The following AVL9 variants were observed in gnomAD, a reference collection of about 807,000 sequenced individuals.
AVL9 encodes the protein AVL9 cell migration associated.
Under a neutral mutation model 79.2 loss-of-function variants are expected in AVL9, and 49 were observed. The observed-to-expected ratio is 0.62, with a 90% CI of 0.49 to 0.79. The LOEUF (loss-of-function observed/expected upper bound fraction) is 0.79. Ranked by LOEUF, AVL9 falls within the 30% of genes least tolerant of loss-of-function variation. The probability of loss-of-function intolerance (pLI) is 0.00; values close to 1 mark genes in which losing one functional copy is unlikely to be tolerated. For missense variants in AVL9, 682 were observed against 776.8 expected (o/e 0.88, Z 1.45); for synonymous variants, 299 against 280.6 (o/e 1.07, Z -0.65).
chr7:32,582,739 G>A (rs1209120996), intron 15 of AVL9, among the ~76,000 whole-genome samples: 3 of 152,080 alleles, frequency 2.0e-5, no homozygotes, highest in Non-Finnish European at 4.4e-5. Flanking sequence ...AAGCTGAAGT[G>A]CAATATGGTG....
intron 1 of AVL9, among the ~76,000 whole-genome samples, chr7:32,501,940 C>T (rs1211543039): frequency 6.6e-6 from 1 of 152,040 alleles, no homozygotes; most frequent in African/African-American, 2.4e-5. Context: ...TAAGACTGCT[C>T]CTTTTTTATA....
intron 1 of AVL9, among the ~76,000 whole-genome samples, chr7:32,541,779 A>G (rs995615022): frequency 1.6e-4 from 25 of 151,926 alleles, no homozygotes; most frequent in Admixed American, 1.4e-3. Context: ...CAGTGGCGCA[A>G]TCTCGGCTCA....
At chr7:32,537,986 G>A (rs1464915925) in intron 1 of AVL9, 3 of 152,120 alleles carry the variant, frequency 2.0e-5, no homozygotes, top group African/African-American at 7.2e-5. Context: ...AAATACTCTG[G>A]GCCCAAGTCA....
At chr7:32,553,363 C>T (rs1185802769) in intron 6 of AVL9, among the ~76,000 whole-genome samples, 2 of 152,180 alleles carry the variant, frequency 1.3e-5, no homozygotes, top group Non-Finnish European at 2.9e-5. Context: ...TAAACCTGCA[C>T]TGTCCAAAAC....
At chr7:32,536,544 T>C (rs1788917891) in intron 1 of AVL9, 1 of 152,192 alleles carries the variant, frequency 6.6e-6, no homozygotes, top group Admixed American at 6.5e-5. Flanking sequence ...ATTCTTTTTT[T>C]TTTCATGCTT....
chr7:32,538,687 G>GT (rs1789030879), intron 1 of AVL9: 1 of 152,094 alleles, frequency 6.6e-6, no homozygotes, highest in African/African-American at 2.4e-5. Context: ...TTTCAAGCAT[G>GT]TTTTTTAAAT....
chr7:32,518,884 C>T (rs1788017974), intron 1 of AVL9, among the ~76,000 whole-genome samples: 1 of 152,138 alleles, frequency 6.6e-6, no homozygotes, highest in Admixed American at 6.5e-5. Context: ...AACAAGATTT[C>T]ATTAGAAAAA....
chr7:32,588,448 G>C lies in AVL9; in HGVS notation c.*4541G>C, dbSNP rs926088929. ...ACAGTTTAAATATTTATGATTAAAG[G>C]CTTTTCACAAACCTTTTTAAAGAAA... On this transcript the variant is annotated 3_prime_UTR_variant, in exon 16 of 16. Transcript: ENST00000318709. 4 of 152,116 alleles carry C rather than the reference G, an allele frequency of 2.6e-5. No homozygotes were observed. Among genetic ancestry groups the C allele is most frequent in the African/African-American group, 7.2e-5 (3 of 41,410 alleles). The allele number at this position is 152,116 out of a possible 1,614,324, so 9.4% of individuals were successfully genotyped here. A position where few individuals can be genotyped will look rare whatever the true frequency, so the allele number is the denominator to read the frequency against.
intron 4 of AVL9, among the ~76,000 whole-genome samples, chr7:32,549,517 G>A (rs1171798873): frequency 3.9e-5 from 6 of 151,974 alleles, no homozygotes; most frequent in Middle Eastern, 3.4e-3. Context: ...GTGAGCCATC[G>A]TGCCCAGCCA....
intron 10 of AVL9, among the ~76,000 whole-genome samples, chr7:32,567,752 T>C (rs115905589): frequency 0.023 from 3,531 of 152,078 alleles, 145 homozygotes; most frequent in African/African-American, 0.079. Flanking sequence ...TTTGCCCTTG[T>C]CACCCAGGCT....
At chr7:32,534,571 C>T (rs1490278847) in intron 1 of AVL9, 1 of 152,170 alleles carries the variant, frequency 6.6e-6, no homozygotes, top group Non-Finnish European at 1.5e-5. Context: ...AGACAACCCT[C>T]ATTCTCTGTT....
chr7:32,495,908 C>A (rs1786781383), intron 1 of AVL9, 106 bp downstream of exon 1: 2 of 688,170 alleles, frequency 2.9e-6, no homozygotes, highest in South Asian at 7.4e-5. Context: ...CAGTCCTCCC[C>A]ACAGCGCCTG....
At chr7:32,567,399 G>C (rs1790631706) in intron 10 of AVL9, among the ~76,000 whole-genome samples, 1 of 152,078 alleles carries the variant, frequency 6.6e-6, no homozygotes, top group Non-Finnish European at 1.5e-5. Flanking sequence ...ACCACACCTA[G>C]CAAGTAATGC....
At chr7:32,517,478 G>A (rs1201454785) in intron 1 of AVL9, among the ~76,000 whole-genome samples, 1 of 151,752 alleles carries the variant, frequency 6.6e-6, no homozygotes, top group African/African-American at 2.4e-5. Flanking sequence ...GATAATTTTT[G>A]TAGTTTTAGT....
Position 32,586,981 on chromosome 7 carries a change from A to G in AVL9, c.*3074A>G, listed in dbSNP as rs1277637481. 2 of 152,240 alleles carry G rather than the reference A, an allele frequency of 1.3e-5. No individual in the cohort carries two copies. Among genetic ancestry groups the G allele is most frequent in the Non-Finnish European group, 2.9e-5 (2 of 68,094 alleles). 9.4% of individuals were successfully genotyped at this position (152,240 alleles called of 1,614,324 possible). Reference sequence around the variant, plus strand: ...CAGTCTCTCCCCAAATCCATTAGTGATTCACTACCCCCCGCCAAGCACAGC... The same window carrying G: ...CAGTCTCTCCCCAAATCCATTAGTGGTTCACTACCCCCCGCCAAGCACAGC... On this transcript the variant is annotated 3_prime_UTR_variant, in exon 16 of 16. Transcript: ENST00000318709.
chr7:32,521,351 A>G (rs1301130743), intron 1 of AVL9, among the ~76,000 whole-genome samples: 1 of 152,190 alleles, frequency 6.6e-6, no homozygotes, highest in East Asian at 1.9e-4. Flanking sequence ...ACTGATAACG[A>G]TATGGACAGT....
chr7:32,570,222 A>G, intron 11 of AVL9, 68 bp downstream of exon 11: 2 of 1,575,204 alleles, frequency 1.3e-6, no homozygotes, highest in Admixed American at 3.4e-5. Flanking sequence ...AACTACAATT[A>G]TGAATACATA....
At chr7:32,558,452 G>A (rs1001648161) in intron 8 of AVL9, 107 bp from the exon 9 acceptor site, 16 of 813,778 alleles carry the variant, frequency 2.0e-5, no homozygotes, top group Middle Eastern at 3.7e-4. Flanking sequence ...CACTGCGCCC[G>A]GCCAGCTGTT....
rs1436803666 is a variant in AVL9, at chr7:32,585,128, G to C, written c.*1221G>C. 6.6e-6 allele frequency: 1 copy of C among 152,096 alleles called. No individual in the cohort carries two copies. Among genetic ancestry groups the C allele is most frequent in the Non-Finnish European group, 1.5e-5 (1 of 68,024 alleles). The allele number at this position is 152,096 out of a possible 1,614,324, so 9.4% of individuals were successfully genotyped here. A position where few individuals can be genotyped will look rare whatever the true frequency, so the allele number is the denominator to read the frequency against. On this transcript the variant is annotated 3_prime_UTR_variant, in exon 16 of 16. Coordinates refer to ENST00000318709, the MANE Select transcript of AVL9 (RefSeq NM_015060.3). Reference sequence around the variant, plus strand: ...TTGCAGACCTACAGCTTTTCTCGTAGTCTTATTCATAAAGCTTTTCAAAGC... The same window carrying C: ...TTGCAGACCTACAGCTTTTCTCGTACTCTTATTCATAAAGCTTTTCAAAGC...
Sources: gnomAD v4.1 joint callset for allele counts (sites outside exome capture counted in the v4.1 genomes callset) on GRCh38, gnomAD v4.1.1 for gene constraint, MANE v1.5 for transcripts, NCBI Gene and HGNC (gene_info 2026-07-23, HGNC 2026-07-21) for gene names.